The following CCDC146 variants were observed in gnomAD, a reference collection of about 807,000 sequenced individuals.
CCDC146 encodes the protein coiled-coil domain containing 146.
CCDC146 carries 92 observed loss-of-function variants against 119.3 expected under a neutral mutation model. That is an observed-to-expected ratio of 0.77 (90% confidence interval 0.65 to 0.92). CCDC146 has a LOEUF of 0.92. CCDC146 is among the 40% of genes least tolerant of loss of function. The probability of loss-of-function intolerance (pLI) is 0.00; values close to 1 mark genes in which losing one functional copy is unlikely to be tolerated. For missense variants in CCDC146, 1,000 were observed against 1,103.0 expected (o/e 0.91, Z 1.32); for synonymous variants, 372 against 371.8 (o/e 1.00, Z -0.01).
At chr7:77,234,534 A>G (rs1038512565) in intron 2 of CCDC146, among the ~76,000 whole-genome samples, 4 of 152,208 alleles carry the variant, frequency 2.6e-5, no homozygotes, top group Admixed American at 2.0e-4. Context: ...CAGGAGTTCA[A>G]GACCAGCCTG....
intron 4 of CCDC146, among the ~76,000 whole-genome samples, chr7:77,243,793 T>C (rs921313389): frequency 3.9e-5 from 6 of 152,184 alleles, no homozygotes; most frequent in African/African-American, 1.4e-4. Flanking sequence ...TGGGACAAGA[T>C]GTGGAGGCAG....
At chr7:77,261,939 T>C (rs929079428) in intron 8 of CCDC146, among the ~76,000 whole-genome samples, 182 bp from the exon 9 acceptor site, 7 of 152,236 alleles carry the variant, frequency 4.6e-5, no homozygotes, top group African/African-American at 1.7e-4. Context: ...TATAACAGTT[T>C]ATATTCCTTT....
intron 4 of CCDC146, among the ~76,000 whole-genome samples, chr7:77,247,938 T>C (rs10215182): frequency 0.096 from 14,627 of 152,176 alleles, 2,062 homozygotes; most frequent in African/African-American, 0.31. Flanking sequence ...CTATTGGCTA[T>C]ATACCCAAGA....
At chr7:77,246,333 G>A (rs529287294) in intron 4 of CCDC146, 1 of 152,346 alleles carries the variant, frequency 6.6e-6, no homozygotes, top group East Asian at 1.9e-4. Flanking sequence ...CTACTTCTGT[G>A]GTGAATGATG....
chr7:77,199,057 C>A, intron 2 of CCDC146: 1 of 829,024 alleles, frequency 1.2e-6, no homozygotes, highest in Admixed American at 2.5e-5. Flanking sequence ...TTCCTGTGCA[C>A]CTTGATAAAT....
chr7:77,294,440 AC>A, intron 18 of CCDC146, among the ~76,000 whole-genome samples: 1 of 149,604 alleles, frequency 6.7e-6, no homozygotes, highest in Non-Finnish European at 1.5e-5. Flanking sequence ...CTGAAGCAAT[AC>A]AGCCCATGCC....
intron 9 of CCDC146, among the ~76,000 whole-genome samples, chr7:77,267,101 C>T (rs938763525): frequency 6.6e-6 from 1 of 151,240 alleles, no homozygotes; most frequent in Non-Finnish European, 1.5e-5. Context: ...AAGCAATTCT[C>T]TTGCCCTCAG....
chr7:77,210,178 A>G (rs567143671), intron 2 of CCDC146, among the ~76,000 whole-genome samples: 1 of 152,312 alleles, frequency 6.6e-6, no homozygotes, highest in South Asian at 2.1e-4. Flanking sequence ...TTTTAAATAT[A>G]AGTTCCAATT....
chr7:77,254,819 GA>G lies in CCDC146; in HGVS notation c.507+264del, dbSNP rs934469769. Among the ~76,000 whole-genome samples the G allele has an allele frequency of 3.0e-4, 46 of 151,732 alleles. No homozygotes were observed. In the East Asian group the frequency reaches 7.9e-3, roughly 26 times the overall value. Reference sequence around the variant, plus strand: ...GACAATATCTGCTTTGTTTTCAGAAGAAAAAAAAGATTCTGTGGTTGACACT... The same window carrying G: ...GACAATATCTGCTTTGTTTTCAGAAGAAAAAAAGATTCTGTGGTTGACACT... On this transcript the variant is annotated intron_variant, in intron 5 of 18. Transcript: ENST00000285871.
chr7:77,207,856 TATAAAC>T (rs1354698562), intron 2 of CCDC146, among the ~76,000 whole-genome samples: 3 of 152,242 alleles, frequency 2.0e-5, no homozygotes, highest in Non-Finnish European at 4.4e-5. Context: ...ATCATCAAGA[TATAAAC>T]ATAAATTCAG....
In CCDC146 at chr7:77,162,651, AT is replaced by A. The variant is rs1177936269; in HGVS notation, c.-11-4998del. 2.6e-3 allele frequency among the ~76,000 whole-genome samples: 399 copies of A among 151,234 alleles called. 3 individuals carry two copies. Among genetic ancestry groups the A allele is most frequent in the African/African-American group, 8.4e-3 (346 of 41,190 alleles). On this transcript the variant is annotated intron_variant, in intron 1 of 18. Transcript: ENST00000285871. ...TTTATTGTTCCATATAAATTTTAGG[AT>A]TTTTTTTTCTATTCCTGTGAAAAAA...
At chr7:77,141,993 C>G (rs560732012) in intron 1 of CCDC146, among the ~76,000 whole-genome samples, 1 of 152,228 alleles carries the variant, frequency 6.6e-6, no homozygotes, top group East Asian at 1.9e-4. Flanking sequence ...TTTGCCCATG[C>G]CTATGTCCTG....
chr7:77,152,048 C>G (rs1791115674), intron 1 of CCDC146, among the ~76,000 whole-genome samples: 1 of 152,116 alleles, frequency 6.6e-6, no homozygotes. Context: ...GGAACCTTGC[C>G]TCTTTTTCCA....
intron 1 of CCDC146, among the ~76,000 whole-genome samples, chr7:77,123,930 G>A (rs1790660421): frequency 6.6e-6 from 1 of 152,040 alleles, no homozygotes; most frequent in Non-Finnish European, 1.5e-5. Flanking sequence ...TCTTGTCTTT[G>A]TGTTTCATTG....
intron 1 of CCDC146, among the ~76,000 whole-genome samples, chr7:77,134,295 G>T (rs1052214660): frequency 6.6e-6 from 1 of 152,056 alleles, no homozygotes; most frequent in Non-Finnish European, 1.5e-5. Flanking sequence ...ACCACTAAAA[G>T]AAATAATTAT....
chr7:77,282,762 G>A lies in CCDC146; in HGVS notation c.2125G>A (p.Asp709Asn), dbSNP rs542474531. ...LLPAKRSLDA[D>N]LAVLQIQFSQ... Reference sequence around the variant, plus strand: ...GCCAGCCAAGAGGTCCCTGGATGCCGACCTAGCTGTGCTCCAAATTCAGGT... The same window carrying A: ...GCCAGCCAAGAGGTCCCTGGATGCCAACCTAGCTGTGCTCCAAATTCAGGT... Residue 709 changes from aspartate (D) to asparagine (N), a missense_variant, in exon 15 of 19, where the codon GAC becomes AAC. By Grantham distance (23) the Asp-to-Asn change is conservative (BLOSUM62 1). Coordinates refer to ENST00000285871, the MANE Select transcript of CCDC146 (RefSeq NM_020879.3). The A allele has an allele frequency of 2.6e-5, 42 of 1,613,830 alleles. No homozygotes were observed. In the African/African-American group the frequency reaches 2.7e-4, roughly 10 times the overall value.
chr7:77,240,917 C>G (rs1792830694), intron 3 of CCDC146, among the ~76,000 whole-genome samples: 1 of 151,650 alleles, frequency 6.6e-6, no homozygotes, highest in African/African-American at 2.4e-5. Flanking sequence ...TCCTTGATCT[C>G]TGTGACAATT....
Position 77,196,857 on chromosome 7 carries a change from C to T in CCDC146, c.156+29033C>T. 1 of 1,614,026 alleles carries T rather than the reference C, an allele frequency of 6.2e-7. No homozygotes were observed. The highest frequency in any genetic ancestry group is 8.5e-7 in the Non-Finnish European group (1 of 1,179,998). On this transcript the variant is annotated intron_variant, in intron 2 of 18. Transcript: ENST00000285871. The surrounding 1 kb of genome is among the most constrained non-coding windows in gnomAD (Gnocchi z 4.2). ...GCCTGCAGCACTGTCCAGCCTCCCC[C>T]CATGGTCTCCATGTCACAGTAAACT...
chr7:77,254,254 C>G (rs1245222179), intron 4 of CCDC146, among the ~76,000 whole-genome samples: 1 of 152,132 alleles, frequency 6.6e-6, no homozygotes, highest in African/African-American at 2.4e-5. Context: ...GGCCCGTGGT[C>G]CCCAACATTT....
Sources: allele counts gnomAD v4.1 joint callset (sites outside exome capture counted in the v4.1 genomes callset), GRCh38; gene constraint gnomAD v4.1.1; non-coding constraint Gnocchi (gnomAD v3.1); transcripts MANE v1.5; gene names NCBI Gene and HGNC (gene_info 2026-07-23, HGNC 2026-07-21).